Variants in MIB1 observed in about 807,000 individuals in gnomAD.
MIB1 encodes the protein MIB E3 ubiquitin protein ligase 1, also known as E3 ubiquitin-protein ligase MIB1.
Under a neutral mutation model 124.5 loss-of-function variants are expected in MIB1, and 278 were observed. That is an observed-to-expected ratio of 2.23 (90% CI 2.02 to 2.47). MIB1 has a LOEUF of 2.47. MIB1 is among the 30% of genes most tolerant of loss of function. MIB1 has a pLI of 0.00. For synonymous variants in MIB1, 446 were observed against 429.4 expected (o/e 1.04, Z -0.48); for missense variants, 957 against 1,254.4 (o/e 0.76, Z 3.58).
At position 21,853,160 on chromosome 18, in the gene MIB1, C is replaced by A. The variant is rs1445957863; in HGVS notation, c.2607C>A (p.Cys869Ter). The change falls in exon 18 of 21, where the codon TGC becomes TGA. Residue 869 changes from cysteine to a stop codon, truncating the protein, a stop_gained. Coordinates refer to ENST00000261537, the MANE Select transcript of MIB1 (RefSeq NM_020774.4). LOFTEE classifies it high-confidence loss of function. ...TATAGATTGAAGAATGTGTGGTATG[C>A]TCTGACAAGAAAGCAGCTGTTCTTT... ...SRTKIEECVV[C>*]SDKKAAVLFQ... 1.2e-6 allele frequency: 2 copies of A among 1,612,926 alleles called. No homozygotes were observed. Among genetic ancestry groups the A allele is most frequent in the Non-Finnish European group, 1.7e-6 (2 of 1,179,196 alleles).
intron 1 of MIB1, among the ~76,000 whole-genome samples, chr18:21,709,411 C>A (rs948302539): frequency 1.3e-5 from 2 of 152,198 alleles, no homozygotes; most frequent in Non-Finnish European, 2.9e-5. Context: ...GGCATCCAGA[C>A]CAGCTATGCT....
At chr18:21,737,592 TAA>T (rs1433680293), upstream of MIB1, among the ~76,000 whole-genome samples, 1 of 152,032 alleles carries the variant, frequency 6.6e-6, no homozygotes, top group Non-Finnish European at 1.5e-5. Flanking sequence ...GCAAATTGGA[TAA>T]AGAGTCAAGA....
At chr18:21,847,815 G>A (rs1048525976) in intron 16 of MIB1, among the ~76,000 whole-genome samples, 1 of 152,130 alleles carries the variant, frequency 6.6e-6, no homozygotes, top group African/African-American at 2.4e-5. Flanking sequence ...TTTCACATTT[G>A]TCTCTTTTTC....
At chr18:21,728,235 G>A (rs1481309250) in intron 1 of MIB1, among the ~76,000 whole-genome samples, 1 of 152,222 alleles carries the variant, frequency 6.6e-6, no homozygotes, top group East Asian at 1.9e-4. Context: ...GCTCACGCCT[G>A]TAATCCCAGC....
chr18:21,864,542 GT>G lies in MIB1; in HGVS notation c.2898del (p.Leu967Ter). 6.2e-7 allele frequency: 1 copy of G among 1,613,172 alleles called. No homozygotes were observed. The highest frequency in any genetic ancestry group is 8.5e-7 in the Non-Finnish European group (1 of 1,179,208). ...DIKEQTMCPV[C>X]LDRLKNMIFL... Reference sequence around the variant, plus strand: ...ACATTACAGACAATGTGCCCTGTGTGTCTAGATCGTCTGAAGAATATGATTT... The same window carrying G: ...ACATTACAGACAATGTGCCCTGTGTGCTAGATCGTCTGAAGAATATGATTT... On this transcript the variant is annotated frameshift_variant, in exon 21 of 21. Transcript: ENST00000261537. LOFTEE classifies it high-confidence loss of function.
rs1281666051 is a variant in MIB1 at position 21,840,113 on chromosome 18, TA to T, written c.1962+1617del. 3.9e-5 allele frequency among the ~76,000 whole-genome samples: 6 copies of T among 152,312 alleles called. No homozygotes were observed. In the East Asian group the frequency reaches 1.2e-3, roughly 29 times the overall value. On this transcript the variant is annotated intron_variant, in intron 13 of 20. Coordinates refer to ENST00000261537, the MANE Select transcript of MIB1 (RefSeq NM_020774.4). ...TCAATTTCCATTTGCATATTGCTAG[TA>T]TATATAAATACAATTTTTGTATATT...
intron 1 of MIB1, among the ~76,000 whole-genome samples, chr18:21,743,668 C>T (rs2040881423): frequency 6.6e-6 from 1 of 152,034 alleles, no homozygotes; most frequent in African/African-American, 2.4e-5. Flanking sequence ...GTTTTGTTAC[C>T]TGCAGCCTTG....
intron 16 of MIB1, 127 bp downstream of exon 16, chr18:21,847,252 C>A: frequency 2.4e-6 from 2 of 846,676 alleles, no homozygotes; most frequent in Non-Finnish European, 1.8e-6. Flanking sequence ...TGTGTTGACC[C>A]TTTCTTTCCT....
chr18:21,740,853 G>GA lies in MIB1; in HGVS notation c.-731_-730insA, dbSNP rs2040839758. Among the ~76,000 whole-genome samples, 1 of 152,266 alleles carries GA rather than the reference G, an allele frequency of 6.6e-6. No individual in the cohort carries two copies. The highest frequency in any genetic ancestry group is 2.1e-4 in the South Asian group (1 of 4,838). ...TCCTCCTTTCTTCCCGCGATCGCGC[G>GA]GCTCTCTGGAAGCCTTCCCACTCTA... On this transcript the variant is annotated 5_prime_UTR_variant, in exon 1 of 21. Coordinates refer to ENST00000261537, the MANE Select transcript of MIB1 (RefSeq NM_020774.4).
chr18:21,753,343 T>C (rs952553996), intron 1 of MIB1, among the ~76,000 whole-genome samples: 1 of 151,656 alleles, frequency 6.6e-6, no homozygotes, highest in South Asian at 2.1e-4. Context: ...TGCCTGCCAC[T>C]ACACCTGGCT....
intron 1 of MIB1, among the ~76,000 whole-genome samples, chr18:21,714,841 C>A (rs952477982): frequency 1.3e-5 from 2 of 152,164 alleles, no homozygotes; most frequent in Admixed American, 1.3e-4. Flanking sequence ...AAAAATAGCT[C>A]TGTGTCCTCA....
chr18:21,727,574 T>G (rs1426694419), intron 1 of MIB1, among the ~76,000 whole-genome samples: 1 of 152,094 alleles, frequency 6.6e-6, no homozygotes, highest in Admixed American at 6.6e-5. Context: ...AAGACTCCCT[T>G]ATCTACAAAA....
At chr18:21,768,815 T>A in intron 3 of MIB1, 63 bp downstream of exon 3, 1 of 1,377,534 alleles carries the variant, frequency 7.3e-7, no homozygotes, top group Non-Finnish European at 9.7e-7. Context: ...ACCTTTTTAT[T>A]ACTACTATAA....
chr18:21,726,394 A>G (rs2040742414), intron 1 of MIB1, among the ~76,000 whole-genome samples: 1 of 152,204 alleles, frequency 6.6e-6, no homozygotes, highest in Non-Finnish European at 1.5e-5. Context: ...CTCTATTGAA[A>G]AAAAAATGGT....
rs2042324108 is a variant in MIB1, at chr18:21,866,729, ATT to A, written c.*2064_*2065del. 6.6e-6 allele frequency: 1 copy of A among 152,232 alleles called. No individual in the cohort carries two copies. The highest frequency in any genetic ancestry group is 2.4e-5 in the African/African-American group (1 of 41,454). 9.4% of individuals were successfully genotyped at this position (152,232 alleles called of 1,614,324 possible). A position where few individuals can be genotyped will look rare whatever the true frequency, so the allele number is the denominator to read the frequency against. Reference sequence around the variant, plus strand: ...TAATAGCATCTTCCAGACTAGTTTAATTATTTCCTTTATAAGAATATGACATA... The same window carrying A: ...TAATAGCATCTTCCAGACTAGTTTAAATTTCCTTTATAAGAATATGACATA... On this transcript the variant is annotated 3_prime_UTR_variant, in exon 21 of 21. Coordinates refer to ENST00000261537, the MANE Select transcript of MIB1 (RefSeq NM_020774.4).
At chr18:21,820,638 C>T (rs1452975312) in intron 12 of MIB1, among the ~76,000 whole-genome samples, 1 of 152,074 alleles carries the variant, frequency 6.6e-6, no homozygotes. Context: ...GTGAAGAAGA[C>T]AGTAGTATTA....
intron 1 of MIB1, among the ~76,000 whole-genome samples, chr18:21,719,498 G>A (rs2040704680): frequency 6.6e-6 from 1 of 152,096 alleles, no homozygotes; most frequent in African/African-American, 2.4e-5. Context: ...CCAGGCTGGA[G>A]TGCAGCGGTG....
At chr18:21,859,596 T>A (rs2146522232) in intron 20 of MIB1, among the ~76,000 whole-genome samples, 1 of 151,858 alleles carries the variant, frequency 6.6e-6, no homozygotes, top group East Asian at 2.0e-4. Flanking sequence ...TGTGATACTT[T>A]AATAGAAAGG....
chr18:21,722,956 C>T (rs2040722013), intron 1 of MIB1, among the ~76,000 whole-genome samples: 2 of 152,108 alleles, frequency 1.3e-5, no homozygotes, highest in South Asian at 4.1e-4. Context: ...AGTCACAAGT[C>T]TAGCACACTC....
Sources: allele counts gnomAD v4.1 joint callset (sites outside exome capture counted in the v4.1 genomes callset), GRCh38; gene constraint gnomAD v4.1.1; transcripts MANE v1.5; gene names NCBI Gene and HGNC (gene_info 2026-07-23, HGNC 2026-07-21).